NRG3: variants seen among roughly 807,000 people sequenced by gnomAD.
NRG3 encodes the protein pro-neuregulin-3, membrane-bound isoform.
In NRG3, 31 loss-of-function variants were observed where a neutral mutation model predicts 66.9. That is an observed-to-expected ratio of 0.46 (90% CI 0.35 to 0.63). NRG3 has a LOEUF of 0.63. Among genes scored for constraint, NRG3 ranks in the 20% least tolerant of loss-of-function variants. The probability of loss-of-function intolerance (pLI) is 0.00; values close to 1 mark genes in which losing one functional copy is unlikely to be tolerated. For missense variants in NRG3, 910 were observed against 878.9 expected (o/e 1.04, Z -0.45); for synonymous variants, 393 against 359.4 (o/e 1.09, Z -1.06).
intron 1 of NRG3, among the ~76,000 whole-genome samples, chr10:82,065,782 G>T (rs978047396): frequency 1.3e-5 from 2 of 152,100 alleles, no homozygotes; most frequent in Admixed American, 6.6e-5. Flanking sequence ...TCCCTAGTTG[G>T]ATTTTTAGAT....
intron 1 of NRG3, among the ~76,000 whole-genome samples, chr10:82,272,011 G>A (rs942768819): frequency 6.6e-6 from 1 of 152,028 alleles, no homozygotes; most frequent in African/African-American, 2.4e-5. Context: ...CTATTCTACT[G>A]GAGATTATCT....
intron 4 of NRG3, among the ~76,000 whole-genome samples, chr10:82,920,140 A>T (rs925526984): frequency 1.3e-5 from 2 of 152,184 alleles, no homozygotes; most frequent in African/African-American, 4.8e-5. Flanking sequence ...GTGAAAATGA[A>T]TTCTGAAAAA....
intron 1 of NRG3, among the ~76,000 whole-genome samples, chr10:82,146,825 C>T (rs1430944656): frequency 6.6e-6 from 1 of 152,124 alleles, no homozygotes; most frequent in African/African-American, 2.4e-5. Flanking sequence ...TCACAGAGCC[C>T]TGGGGTGTGG....
intron 4 of NRG3, among the ~76,000 whole-genome samples, chr10:82,916,882 C>T (rs1469621080): frequency 1.3e-5 from 2 of 152,200 alleles, no homozygotes; most frequent in African/African-American, 4.8e-5. Context: ...TCCCAAAGTG[C>T]TGGGATTACA....
intron 1 of NRG3, among the ~76,000 whole-genome samples, chr10:82,131,429 G>A (rs142934926): frequency 1.2e-3 from 179 of 152,094 alleles, no homozygotes; most frequent in Non-Finnish European, 2.0e-3. Flanking sequence ...ATGCTGTTTG[G>A]GTTACAATAG....
intron 1 of NRG3, among the ~76,000 whole-genome samples, chr10:81,952,438 G>A (rs924739904): frequency 6.6e-6 from 1 of 151,916 alleles, no homozygotes; most frequent in Non-Finnish European, 1.5e-5. Context: ...AGGCGGCAGG[G>A]GGGTGCGGAG....
chr10:82,564,295 G>T (rs2045248546), intron 2 of NRG3, among the ~76,000 whole-genome samples: 2 of 152,100 alleles, frequency 1.3e-5, no homozygotes, highest in Admixed American at 1.3e-4. Flanking sequence ...ATTTTCTGTT[G>T]ATTCATTTTG....
chr10:82,125,470 A>G (rs566727922), intron 1 of NRG3, among the ~76,000 whole-genome samples: 1 of 152,042 alleles, frequency 6.6e-6, no homozygotes, highest in Non-Finnish European at 1.5e-5. Context: ...TATATTTAAC[A>G]TTACTTAAAT....
chr10:82,962,504 AC>A (rs1850756738), intron 6 of NRG3, among the ~76,000 whole-genome samples: 1 of 152,106 alleles, frequency 6.6e-6, no homozygotes, highest in Admixed American at 6.5e-5. Flanking sequence ...ATGAGAAAGA[AC>A]TGGAAGATAA....
At chr10:82,322,149 C>A (rs1374180108) in intron 1 of NRG3, among the ~76,000 whole-genome samples, 1 of 152,122 alleles carries the variant, frequency 6.6e-6, no homozygotes, top group Non-Finnish European at 1.5e-5. Flanking sequence ...TGCATAGAGG[C>A]AACATCAAAA....
At chr10:82,600,161 G>A (rs1385993021) in intron 2 of NRG3, among the ~76,000 whole-genome samples, 1 of 152,064 alleles carries the variant, frequency 6.6e-6, no homozygotes, top group Non-Finnish European at 1.5e-5. Context: ...TAGAGGGCTT[G>A]TCTTATTTTT....
intron 1 of NRG3, among the ~76,000 whole-genome samples, chr10:81,893,175 C>G (rs7091061): frequency 1.3e-5 from 2 of 151,962 alleles, no homozygotes; most frequent in Non-Finnish European, 2.9e-5. Flanking sequence ...TCTTCTCTTT[C>G]TGTTCAATAT....
At chr10:82,290,009 A>G (rs1268870354) in intron 1 of NRG3, among the ~76,000 whole-genome samples, 7 of 152,198 alleles carry the variant, frequency 4.6e-5, no homozygotes, top group African/African-American at 2.4e-5. Context: ...CATCTGTTGA[A>G]TAAATGATCA....
chr10:82,094,061 A>C (rs958779224), intron 1 of NRG3, among the ~76,000 whole-genome samples: 1 of 152,190 alleles, frequency 6.6e-6, no homozygotes, highest in Non-Finnish European at 1.5e-5. Flanking sequence ...GTATTATTAT[A>C]CTCACATTTA....
At chr10:82,608,879 AT>A (rs1437458134) in intron 2 of NRG3, among the ~76,000 whole-genome samples, 1 of 152,112 alleles carries the variant, frequency 6.6e-6, no homozygotes, top group African/African-American at 2.4e-5. Flanking sequence ...TTTAAAAAAA[AT>A]GTATCACCCC....
intron 2 of NRG3, among the ~76,000 whole-genome samples, chr10:82,655,913 A>G (rs768900101): frequency 6.6e-6 from 1 of 152,198 alleles, no homozygotes; most frequent in African/African-American, 2.4e-5. Context: ...TTTCTCATTC[A>G]TTTTAATAAA....
chr10:82,590,009 C>G (rs1209483002), intron 2 of NRG3, among the ~76,000 whole-genome samples: 2 of 152,118 alleles, frequency 1.3e-5, no homozygotes, highest in Admixed American at 6.5e-5. Context: ...ATTATTTCAA[C>G]CTCCCACCCA....
chr10:82,783,307 T>C (rs2135297072), intron 3 of NRG3, among the ~76,000 whole-genome samples: 1 of 151,024 alleles, frequency 6.6e-6, no homozygotes, highest in African/African-American at 2.4e-5. Context: ...AAGACAGGGA[T>C]GCCCTCTCTC....
intron 1 of NRG3, among the ~76,000 whole-genome samples, chr10:82,009,775 C>G (rs752343326): frequency 2.6e-5 from 4 of 152,188 alleles, no homozygotes; most frequent in Non-Finnish European, 5.9e-5. Context: ...GACCAAATCC[C>G]TGGGATCAGA....
Sources: gnomAD v4.1 joint callset for allele counts (sites outside exome capture counted in the v4.1 genomes callset) on GRCh38, gnomAD v4.1.1 for gene constraint, MANE v1.5 for transcripts, NCBI Gene and HGNC (gene_info 2026-07-23, HGNC 2026-07-21) for gene names.